The following DRC4 variants were observed in gnomAD, a reference collection of about 807,000 sequenced individuals.
DRC4 encodes dynein regulatory complex subunit 4.
the DRC4 span, among the ~76,000 whole-genome samples, chr16:90,026,448 G>A: frequency 3.4e-4 from 52 of 152,264 alleles, no homozygotes; most frequent in Admixed American, 2.0e-4. Context: ...TCTGAAGGAA[G>A]TTTCTCTTTG....
chr16:90,024,453 A>G, the DRC4 span, among the ~76,000 whole-genome samples: 95 of 152,304 alleles, frequency 6.2e-4, no homozygotes, highest in African/African-American at 2.1e-3. Flanking sequence ...AAATAAAGGC[A>G]GTTGTTCAGT....
At chr16:90,028,168 C>T in the DRC4 span, among the ~76,000 whole-genome samples, 7 of 112,998 alleles carry the variant, frequency 6.2e-5, no homozygotes, top group East Asian at 1.2e-3. Flanking sequence ...TCTGATTAAT[C>T]GTTCATTTTT....
At chr16:90,031,293 G>A in the DRC4 span, 1 of 1,611,794 alleles carries the variant, frequency 6.2e-7, no homozygotes, top group South Asian at 1.1e-5. Flanking sequence ...CACTGCACCT[G>A]GCCAGGTGGA....
chr16:90,043,668 G>A, the DRC4 span: 40 of 542,950 alleles, frequency 7.4e-5, no homozygotes, highest in African/African-American at 4.0e-4. Flanking sequence ...GGGCAGTGCC[G>A]CGCTGTGCTG....
At chr16:90,020,305 C>CAAAAA in the DRC4 span, 1,201 of 316,470 alleles carry the variant, frequency 3.8e-3, 15 homozygotes, top group African/African-American at 0.025. Flanking sequence ...TTGTATGTCT[C>CAAAAA]AAAAAAAAAA....
chr16:90,031,676 G>A, the DRC4 span, among the ~76,000 whole-genome samples: 1 of 152,168 alleles, frequency 6.6e-6, no homozygotes, highest in African/African-American at 2.4e-5. Context: ...TTAAAATGCT[G>A]CCTCCACAAC....
chr16:90,032,936 G>A, the DRC4 span: 19 of 1,607,920 alleles, frequency 1.2e-5, no homozygotes, highest in South Asian at 1.1e-4. Flanking sequence ...TAGGTGTGGC[G>A]GGGGCACCTG....
chr16:90,033,454 A>G, the DRC4 span, among the ~76,000 whole-genome samples: 2 of 152,210 alleles, frequency 1.3e-5, no homozygotes, highest in African/African-American at 2.4e-5. Flanking sequence ...GTTGAGGCCA[A>G]TAGTTTGAGA....
At chr16:90,029,591 G>C in the DRC4 span, 1 of 290,256 alleles carries the variant, frequency 3.4e-6, no homozygotes, top group Admixed American at 5.1e-5. Flanking sequence ...TCGGGGGTGC[G>C]TGTCTCCCTC....
the DRC4 span, among the ~76,000 whole-genome samples, chr16:90,025,615 A>C: frequency 2.4e-3 from 305 of 128,008 alleles, no homozygotes; most frequent in Non-Finnish European, 3.0e-3. Flanking sequence ...GCACCATTGC[A>C]CTCCAGCCTG....
At chr16:90,034,822 C>G in the DRC4 span, among the ~76,000 whole-genome samples, 3 of 148,742 alleles carry the variant, frequency 2.0e-5, no homozygotes, top group Non-Finnish European at 4.5e-5. Context: ...CTTCTAGTCT[C>G]AAGTGATCCT....
chr16:90,033,132 G>C, the DRC4 span, among the ~76,000 whole-genome samples: 1 of 152,100 alleles, frequency 6.6e-6, no homozygotes, highest in African/African-American at 2.4e-5. Context: ...TTCTGTCTCA[G>C]ACCTGAGCAA....
the DRC4 span, chr16:90,043,861 G>A: frequency 2.2e-6 from 1 of 464,784 alleles, no homozygotes; most frequent in Non-Finnish European, 4.5e-6. Context: ...GGCTGGGTGG[G>A]TGCAGCCAGC....
chr16:90,036,074 C>T, the DRC4 span: 35 of 640,756 alleles, frequency 5.5e-5, no homozygotes, highest in South Asian at 8.2e-4. Flanking sequence ...GGCTGGGTGG[C>T]CACACAGGCC....
At chr16:90,031,178 G>C in the DRC4 span, 118 of 1,531,866 alleles carry the variant, frequency 7.7e-5, no homozygotes, top group South Asian at 2.1e-4. Flanking sequence ...ACATTTAGCT[G>C]TTTATTTTTA....
chr16:90,020,107 C>G, the DRC4 span: 10 of 607,156 alleles, frequency 1.6e-5, no homozygotes, highest in Admixed American at 2.2e-4. Context: ...CTTCCCTCCA[C>G]TGCTGGGTCA....
the DRC4 span, among the ~76,000 whole-genome samples, chr16:90,030,701 C>T: frequency 6.6e-6 from 1 of 152,206 alleles, no homozygotes; most frequent in African/African-American, 2.4e-5. Context: ...ACCGCAGCCT[C>T]AACCCCCTGA....
chr16:90,039,641 C>T, the DRC4 span: 6 of 153,660 alleles, frequency 3.9e-5, no homozygotes, highest in African/African-American at 1.4e-4. Context: ...CCCACCTCAC[C>T]CTCCCAAAGT....
At chr16:90,032,146 ACAGGTGTGGTG>A in the DRC4 span, among the ~76,000 whole-genome samples, 931 of 146,560 alleles carry the variant, frequency 6.4e-3, 11 homozygotes, top group African/African-American at 0.023. Flanking sequence ...AAGGTGTGGT[ACAGGTGTGGTG>A]CAGGTGAGCA....
Sources: allele counts gnomAD v4.1 joint callset (sites outside exome capture counted in the v4.1 genomes callset), GRCh38; gene constraint gnomAD v4.1.1; transcripts MANE v1.5; gene names NCBI Gene and HGNC (gene_info 2026-07-23, HGNC 2026-07-21).